The following SUSD5 variants were observed in gnomAD, a reference collection of about 807,000 sequenced individuals.
SUSD5 encodes the protein sushi domain-containing protein 5.
A neutral mutation model predicts 29.5 loss-of-function variants in SUSD5; 33 were observed. That is an observed-to-expected ratio of 1.12 (90% confidence interval 0.85 to 1.49). The LOEUF (loss-of-function observed/expected upper bound fraction) is 1.49. SUSD5 is among the 40% of genes most tolerant of loss of function. SUSD5 has a pLI of 0.00. For missense variants in SUSD5, 776 were observed against 800.6 expected (o/e 0.97, Z 0.37); for synonymous variants, 308 against 325.3 (o/e 0.95, Z 0.57).
Position 33,167,922 on chromosome 3 carries a change from T to G in SUSD5, c.598+6964A>C, listed in dbSNP as rs1345132163. On this transcript the variant is annotated intron_variant, in intron 4 of 4. Coordinates refer to ENST00000309558, the MANE Select transcript of SUSD5 (RefSeq NM_015551.2). This position sits in a 1 kb window ranked among gnomAD's most constrained non-coding sequence, Gnocchi z 4.1. ...CGACCCTCTCTGTGAAAACCTGTGC[T>G]AACACAACATGGGGCCTTCTGATTT... 6.6e-6 allele frequency among the ~76,000 whole-genome samples: 1 copy of G among 152,252 alleles called. No homozygotes were observed. The highest frequency in any genetic ancestry group is 1.5e-5 in the Non-Finnish European group (1 of 68,046).
Position 33,152,749 on chromosome 3 carries a change from T to G in SUSD5, c.1883A>C (p.Lys628Thr). Reference sequence around the variant, plus strand: ...AACCCACTCCAAAGGTGCCTAGACCTTCTCCATCTCGATCTGCTGGTGGTA... The same window carrying G: ...AACCCACTCCAAAGGTGCCTAGACCGTCTCCATCTCGATCTGCTGGTGGTA... ...RHYHQQIEME[K>T]V The change falls in exon 5 of 5, where the codon AAG becomes ACG. Residue 628 changes from lysine (K) to threonine (T), a missense_variant. Transcript: ENST00000309558. 3 of 1,607,844 alleles carry G rather than the reference T, an allele frequency of 1.9e-6. No homozygotes were observed. The highest frequency in any genetic ancestry group is 2.2e-5 in the East Asian group (1 of 44,844).
intron 2 of SUSD5, among the ~76,000 whole-genome samples, chr3:33,212,098 T>C (rs79097246): frequency 0.039 from 5,880 of 152,294 alleles, 318 homozygotes; most frequent in African/African-American, 0.13. Context: ...GGATATTGAA[T>C]GTTCCCAGCA....
intron 3 of SUSD5, among the ~76,000 whole-genome samples, chr3:33,191,185 A>G (rs963939351): frequency 2.6e-5 from 4 of 151,036 alleles, no homozygotes; most frequent in African/African-American, 4.9e-5. Flanking sequence ...GCTGGAGTGC[A>G]GTGGCATGAT....
chr3:33,217,787 A>T (rs191322059), intron 1 of SUSD5, among the ~76,000 whole-genome samples: 65 of 152,122 alleles, frequency 4.3e-4, no homozygotes, highest in Non-Finnish European at 1.5e-4. Flanking sequence ...AAATTGACGG[A>T]GGGCTTTTCT....
At chr3:33,215,963 T>G (rs115275499) in intron 1 of SUSD5, among the ~76,000 whole-genome samples, 2,390 of 152,192 alleles carry the variant, frequency 0.016, 72 homozygotes, top group African/African-American at 0.054. Context: ...AAATCAAATC[T>G]TCTAACGTAG....
intron 2 of SUSD5, among the ~76,000 whole-genome samples, chr3:33,212,123 A>C (rs907520407): frequency 3.3e-5 from 5 of 152,240 alleles, no homozygotes; most frequent in African/African-American, 1.2e-4. Context: ...ATAAATGATA[A>C]ATATTTGAGA....
intron 3 of SUSD5, among the ~76,000 whole-genome samples, chr3:33,182,420 AAT>A (rs773405584): frequency 2.0e-5 from 3 of 152,224 alleles, no homozygotes; most frequent in Non-Finnish European, 2.9e-5. Flanking sequence ...AAGTAGTCTA[AAT>A]ATGTCAATTA....
intron 3 of SUSD5, among the ~76,000 whole-genome samples, chr3:33,188,229 A>G (rs2031819485): frequency 6.6e-6 from 1 of 152,214 alleles, no homozygotes. Context: ...GTTGACTTTC[A>G]TCTTGACCTT....
At chr3:33,181,266 A>T (rs2031667604) in intron 3 of SUSD5, among the ~76,000 whole-genome samples, 1 of 152,112 alleles carries the variant, frequency 6.6e-6, no homozygotes, top group African/African-American at 2.4e-5. Flanking sequence ...CATTCACTGA[A>T]CATTCATTCA....
intron 1 of SUSD5, among the ~76,000 whole-genome samples, chr3:33,216,162 A>G (rs1010080935): frequency 6.6e-6 from 1 of 152,206 alleles, no homozygotes; most frequent in Non-Finnish European, 1.5e-5. Flanking sequence ...GAACATCACT[A>G]CAGATCCCGT....
chr3:33,213,916 C>A lies in SUSD5; in HGVS notation c.290+12G>T. ...TGGGGTGAGTTGGAAAAGGAGTGCTCGCCTAACTTACCCAAGAGTACCATC... is the reference window on the plus strand; with the variant it reads ...TGGGGTGAGTTGGAAAAGGAGTGCTAGCCTAACTTACCCAAGAGTACCATC... On this transcript the variant is annotated intron_variant, in intron 2 of 4. Transcript: ENST00000309558. 6.3e-7 allele frequency: 1 copy of A among 1,579,506 alleles called. No individual in the cohort carries two copies. The highest frequency in any genetic ancestry group is 8.6e-7 in the Non-Finnish European group (1 of 1,160,860).
intron 4 of SUSD5, among the ~76,000 whole-genome samples, chr3:33,156,291 G>A (rs781332423): frequency 2.0e-5 from 3 of 152,088 alleles, no homozygotes; most frequent in African/African-American, 7.2e-5. Context: ...CGCCCATCTC[G>A]GCCTCCCAAA....
rs2030991670 is a variant in SUSD5, at chr3:33,154,037, G to A, written c.599-4C>T. 1.3e-6 allele frequency: 2 copies of A among 1,565,122 alleles called. No individual in the cohort carries two copies. The highest frequency in any genetic ancestry group is 1.7e-6 in the Non-Finnish European group (2 of 1,160,416). On this transcript the variant is annotated splice_polypyrimidine_tract_variant and splice_region_variant and intron_variant, in intron 4 of 4. Transcript: ENST00000309558. The stretch of plus-strand genomic sequence containing the variant: ...TCAATGTGTGCCTCAGCCTCATCTG[G>A]AAGAAAAGAGGGAAAAAACCTCATT...
intron 3 of SUSD5, among the ~76,000 whole-genome samples, chr3:33,187,461 C>G (rs2031800117): frequency 6.6e-6 from 1 of 152,198 alleles, no homozygotes; most frequent in Non-Finnish European, 1.5e-5. Flanking sequence ...TCCAGTACAA[C>G]AGTGCTATGC....
Position 33,184,547 on chromosome 3 carries a change from C to T in SUSD5, c.410-9473G>A, listed in dbSNP as rs567550075. Among the ~76,000 whole-genome samples, 150 of 152,102 alleles carry T rather than the reference C, an allele frequency of 9.9e-4. 1 individual carries two copies. The highest frequency in any genetic ancestry group is 1.7e-3 in the Non-Finnish European group (115 of 68,034). On this transcript the variant is annotated intron_variant, in intron 3 of 4. Coordinates refer to ENST00000309558, the MANE Select transcript of SUSD5 (RefSeq NM_015551.2). ...TTTCTTCCTTCTCCTTCTGATACTT[C>T]CATTATGTGTGTGTTATAATTTTTG...
chr3:33,210,213 A>G (rs924191936), intron 2 of SUSD5, among the ~76,000 whole-genome samples: 4 of 152,222 alleles, frequency 2.6e-5, no homozygotes, highest in African/African-American at 9.6e-5. Flanking sequence ...CTGGAAATTC[A>G]GGGTCATCTC....
Position 33,183,163 on chromosome 3 carries a change from G to A in SUSD5, c.410-8089C>T, listed in dbSNP as rs115633469. Reference sequence around the variant, plus strand: ...TTTCTTATAGACAACATATAGTTAGGTCTTGTTTTTTAACACACTCTGATA... The same window carrying A: ...TTTCTTATAGACAACATATAGTTAGATCTTGTTTTTTAACACACTCTGATA... On this transcript the variant is annotated intron_variant, in intron 3 of 4. Coordinates refer to ENST00000309558, the MANE Select transcript of SUSD5 (RefSeq NM_015551.2). Among the ~76,000 whole-genome samples the A allele has an allele frequency of 7.9e-3, 1,200 of 152,168 alleles. 6 individuals carry two copies. Among genetic ancestry groups the A allele is most frequent in the Non-Finnish European group, 0.013 (893 of 67,998 alleles).
intron 3 of SUSD5, among the ~76,000 whole-genome samples, chr3:33,185,444 T>G (rs1469871915): frequency 6.6e-6 from 1 of 152,216 alleles, no homozygotes; most frequent in Non-Finnish European, 1.5e-5. Flanking sequence ...CTCACAAACT[T>G]GTCCACCCTG....
At chr3:33,157,449 G>A (rs769093878) in intron 4 of SUSD5, among the ~76,000 whole-genome samples, 1 of 152,220 alleles carries the variant, frequency 6.6e-6, no homozygotes, top group Non-Finnish European at 1.5e-5. Flanking sequence ...GTCACACTGA[G>A]ATTTAAGAAA....
Sources: gnomAD v4.1 joint callset for allele counts (sites outside exome capture counted in the v4.1 genomes callset) on GRCh38, gnomAD v4.1.1 for gene constraint, Gnocchi (gnomAD v3.1) non-coding constraint, MANE v1.5 for transcripts, NCBI Gene and HGNC (gene_info 2026-07-23, HGNC 2026-07-21) for gene names.